Variants in SPOCK1 observed in about 807,000 individuals in gnomAD.
SPOCK1 encodes testican-1.
SPOCK1 carries 23 observed loss-of-function variants against 55.3 expected under a neutral mutation model. The observed-to-expected ratio is 0.42, with a 90% CI of 0.30 to 0.59. The LOEUF is 0.59. Among genes scored for constraint, SPOCK1 ranks in the 20% least tolerant of loss-of-function variants. The pLI, the probability that SPOCK1 is intolerant of heterozygous loss-of-function variation, is 0.22. For missense variants in SPOCK1, 499 were observed against 552.5 expected, an observed-to-expected ratio of 0.90 and a Z score of 0.97; for synonymous variants, 226 against 221.0, an observed-to-expected ratio of 1.02 and a Z score of -0.20.
At chr5:137,019,085 A>G (rs1156969164) in intron 6 of SPOCK1, among the ~76,000 whole-genome samples, 4 of 152,216 alleles carry the variant, frequency 2.6e-5, no homozygotes, top group Non-Finnish European at 4.4e-5. Flanking sequence ...AAATTGGCAG[A>G]CATTAAAAAT....
chr5:137,461,436 G>T (rs1753486968), intron 2 of SPOCK1, among the ~76,000 whole-genome samples: 1 of 152,210 alleles, frequency 6.6e-6, no homozygotes, highest in African/African-American at 2.4e-5. Flanking sequence ...AGTGAGAAAG[G>T]ATACTTCCAG....
chr5:137,333,349 G>A (rs1252140368), intron 2 of SPOCK1, among the ~76,000 whole-genome samples: 1 of 152,160 alleles, frequency 6.6e-6, no homozygotes, highest in Non-Finnish European at 1.5e-5. Flanking sequence ...TAGAAAGCTT[G>A]GGAAAAAGCT....
chr5:137,348,822 A>G (rs1274608317), intron 2 of SPOCK1, among the ~76,000 whole-genome samples: 1 of 152,234 alleles, frequency 6.6e-6, no homozygotes, highest in Non-Finnish European at 1.5e-5. Flanking sequence ...CTGACTCTTA[A>G]TTCTGCAAAC....
chr5:137,001,021 A>T (rs1057018324), intron 6 of SPOCK1, among the ~76,000 whole-genome samples: 1 of 152,168 alleles, frequency 6.6e-6, no homozygotes, highest in African/African-American at 2.4e-5. Context: ...AATAAATAAA[A>T]AATAAAAACA....
intron 2 of SPOCK1, among the ~76,000 whole-genome samples, chr5:137,459,782 C>T (rs187968455): frequency 6.6e-6 from 1 of 152,218 alleles, no homozygotes. Flanking sequence ...CCATTACAGA[C>T]AAAGACTGTA....
At chr5:137,479,594 T>C (rs1753907415) in intron 2 of SPOCK1, among the ~76,000 whole-genome samples, 1 of 152,230 alleles carries the variant, frequency 6.6e-6, no homozygotes, top group Admixed American at 6.5e-5. Context: ...TCTAAGAAGA[T>C]GCACTGAATT....
At chr5:137,155,546 G>A (rs1453778902) in intron 3 of SPOCK1, among the ~76,000 whole-genome samples, 1 of 152,234 alleles carries the variant, frequency 6.6e-6, no homozygotes, top group Non-Finnish European at 1.5e-5. Flanking sequence ...ACAGCAGAAA[G>A]GAGATGAAAT....
chr5:137,153,442 A>AT (rs1355450630), intron 3 of SPOCK1, among the ~76,000 whole-genome samples: 3 of 152,218 alleles, frequency 2.0e-5, no homozygotes, highest in African/African-American at 7.2e-5. Context: ...TATGAAACTC[A>AT]TTTTATATGT....
chr5:137,228,069 C>T (rs1391764597), intron 3 of SPOCK1, among the ~76,000 whole-genome samples: 1 of 152,212 alleles, frequency 6.6e-6, no homozygotes, highest in African/African-American at 2.4e-5. Context: ...CATTTATCTG[C>T]AAACAGGAAT....
chr5:137,288,290 T>G (rs1409667348), intron 2 of SPOCK1, among the ~76,000 whole-genome samples: 1 of 152,168 alleles, frequency 6.6e-6, no homozygotes, highest in East Asian at 1.9e-4. Context: ...GCATACCTAT[T>G]CTCCTTTCCA....
At chr5:137,382,511 C>T (rs1016645582) in intron 2 of SPOCK1, among the ~76,000 whole-genome samples, 2 of 152,196 alleles carry the variant, frequency 1.3e-5, no homozygotes, top group Admixed American at 6.5e-5. Context: ...GTCTAATTGA[C>T]TCACAGTTCT....
chr5:137,129,658 T>G (rs1176517747), intron 4 of SPOCK1, among the ~76,000 whole-genome samples: 1 of 152,120 alleles, frequency 6.6e-6, no homozygotes, highest in Non-Finnish European at 1.5e-5. Flanking sequence ...GTGGAGTCAG[T>G]CAGGGGCTTG....
chr5:137,322,534 A>G (rs987737705), intron 2 of SPOCK1, among the ~76,000 whole-genome samples: 5 of 152,218 alleles, frequency 3.3e-5, no homozygotes, highest in African/African-American at 9.6e-5. Context: ...GTAATTTGTG[A>G]CAATAACAAA....
At chr5:137,111,035 C>A (rs1753460416) in intron 5 of SPOCK1, among the ~76,000 whole-genome samples, 1 of 152,014 alleles carries the variant, frequency 6.6e-6, no homozygotes, top group Non-Finnish European at 1.5e-5. Flanking sequence ...TATTAGTGGA[C>A]AAAATCATAA....
chr5:137,196,498 C>A (rs1391641893), intron 3 of SPOCK1, among the ~76,000 whole-genome samples: 2 of 152,204 alleles, frequency 1.3e-5, no homozygotes, highest in Non-Finnish European at 2.9e-5. Context: ...CTTTGACCCC[C>A]TCCCATCCAC....
At chr5:137,397,698 C>A (rs866819125) in intron 2 of SPOCK1, among the ~76,000 whole-genome samples, 3 of 152,188 alleles carry the variant, frequency 2.0e-5, no homozygotes, top group African/African-American at 4.8e-5. Flanking sequence ...TGACCTTGAG[C>A]AAGTCACTTA....
chr5:137,401,811 A>ACCTTGGTG (rs1751988122), intron 2 of SPOCK1, among the ~76,000 whole-genome samples: 1 of 152,064 alleles, frequency 6.6e-6, no homozygotes, highest in Admixed American at 6.6e-5. Context: ...CACAGCTTGC[A>ACCTTGGTG]CCAAGGAAAA....
intron 5 of SPOCK1, among the ~76,000 whole-genome samples, chr5:137,111,039 A>G (rs1740598875): frequency 6.6e-6 from 1 of 152,144 alleles, no homozygotes; most frequent in South Asian, 2.1e-4. Context: ...AGTGGACAAA[A>G]TCATAAGGAT....
intron 3 of SPOCK1, among the ~76,000 whole-genome samples, chr5:137,214,040 T>C (rs914163571): frequency 1.3e-5 from 2 of 152,218 alleles, no homozygotes; most frequent in Non-Finnish European, 2.9e-5. Flanking sequence ...GCCTTTGTCA[T>C]TATAATATTC....
Sources: gnomAD v4.1 joint callset for allele counts (sites outside exome capture counted in the v4.1 genomes callset) on GRCh38, gnomAD v4.1.1 for gene constraint, MANE v1.5 for transcripts, NCBI Gene and HGNC (gene_info 2026-07-23, HGNC 2026-07-21) for gene names.